GDPGP1: variants seen among roughly 807,000 people sequenced by gnomAD.
GDPGP1 encodes GDP-D-glucose phosphorylase C15orf58.
Under a neutral mutation model 19.2 loss-of-function variants are expected in GDPGP1, and 18 were observed. The ratio of observed to expected loss-of-function variants is 0.94; its 90% confidence interval spans 0.65 to 1.39. GDPGP1 has a LOEUF of 1.39. GDPGP1 is among the 40% of genes most tolerant of loss of function. The pLI is 0.00. For missense variants in GDPGP1, 449 were observed against 490.5 expected, an observed-to-expected ratio of 0.92 and a Z score of 0.80; for synonymous variants, 219 against 208.9, an observed-to-expected ratio of 1.05 and a Z score of -0.42.
At position 90,241,567 on chromosome 15, in the gene GDPGP1, A is replaced by C; in HGVS notation, c.659A>C (p.His220Pro). The C allele has an allele frequency of 6.2e-7, 1 of 1,613,320 alleles. No individual in the cohort carries two copies. The highest frequency in any genetic ancestry group is 8.5e-7 in the Non-Finnish European group (1 of 1,180,032). ...GCCTCGGTGAACCACCTCCACCTGC[A>C]TGGCTATTACCTGGCCCACAGACTG... is the stretch of plus-strand genomic sequence containing the variant. ...GLASVNHLHL[H>P]GYYLAHRLPV... Residue 220 changes from histidine to proline, a missense_variant, in exon 4 of 4, where the codon CAT becomes CCT. Physicochemically the swap from His to Pro is moderately conservative, Grantham distance 77. Coordinates refer to ENST00000329600, the MANE Select transcript of GDPGP1 (RefSeq NM_001013657.3).
At chr15:90,235,389 A>G (rs999455310) in intron 2 of GDPGP1, among the ~76,000 whole-genome samples, 1 of 152,162 alleles carries the variant, frequency 6.6e-6, no homozygotes, top group Non-Finnish European at 1.5e-5. Context: ...AACATGGCAA[A>G]ACCCCATCTC....
Position 90,241,503 on chromosome 15 carries a change from C to G in GDPGP1, c.595C>G (p.Pro199Ala), listed in dbSNP as rs923755131. ...TGAGGCTGTGCTGCTGAGCTTACAC[C>G]CGGGCTTCCGTGTCGGCTTCAACAG... is the stretch of plus-strand genomic sequence containing the variant. ...GIEAVLLSLH[P>A]GFRVGFNSLG... is the part of the protein sequence containing the mutation. The change falls in exon 4 of 4, where the codon CCG (proline) becomes GCG (alanine). Residue 199 changes from proline to alanine, a missense_variant. Physicochemically the swap from Pro to Ala is conservative, Grantham distance 27. Transcript: ENST00000329600. 3.1e-6 allele frequency: 5 copies of G among 1,613,652 alleles called. No individual in the cohort carries two copies. The Admixed American group carries it at 6.7e-5, about 22-fold the overall frequency.
rs1431944938 is a variant in GDPGP1 at position 90,242,325 on chromosome 15, A to C, written c.*259A>C. ...TTTTTTATATAGACAGCGTTTCACC[A>C]TGTTGCCCAGGCTGGTCTTGAACTC... On this transcript the variant is annotated 3_prime_UTR_variant, in exon 4 of 4. Transcript: ENST00000329600. 1 of 257,938 alleles carries C rather than the reference A, an allele frequency of 3.9e-6. No homozygotes were observed. The highest frequency in any genetic ancestry group is 2.6e-5 in the African/African-American group (1 of 38,356). The allele number at this position is 257,938 out of a possible 1,614,324, so 16.0% of individuals were successfully genotyped here.
At position 90,243,374 on chromosome 15, in the gene GDPGP1, G is replaced by C. The variant is rs1217421060; in HGVS notation, c.*1308G>C. ...ACTTTCCGGGTGCACGTCTTTTTTTGTTTTGTTTTTTTGTAAGGCTGGGGT... is the reference window on the plus strand; with the variant it reads ...ACTTTCCGGGTGCACGTCTTTTTTTCTTTTGTTTTTTTGTAAGGCTGGGGT... On this transcript the variant is annotated 3_prime_UTR_variant, in exon 4 of 4. Transcript: ENST00000329600. 1 of 142,350 alleles carries C rather than the reference G, an allele frequency of 7.0e-6. No individual in the cohort carries two copies. The highest frequency in any genetic ancestry group is 1.5e-5 in the Non-Finnish European group (1 of 66,100). 8.8% of individuals were successfully genotyped at this position (142,350 alleles called of 1,614,324 possible).
intron 2 of GDPGP1, among the ~76,000 whole-genome samples, chr15:90,237,647 AT>A (rs1461152345): frequency 6.6e-6 from 1 of 152,062 alleles, no homozygotes; most frequent in Non-Finnish European, 1.5e-5. Flanking sequence ...AACATCCCAA[AT>A]GTGCTTGTTG....
In GDPGP1 at chr15:90,244,381, T is replaced by G. The variant is rs1178364618; in HGVS notation, c.*2315T>G. ...TGAGTCAATGTGGGAAATTTTTTTTTATCTCATTGCTTTGTTCTGTCCTGT... is the reference window on the plus strand; with the variant it reads ...TGAGTCAATGTGGGAAATTTTTTTTGATCTCATTGCTTTGTTCTGTCCTGT... On this transcript the variant is annotated 3_prime_UTR_variant, in exon 4 of 4. Transcript: ENST00000329600. 3 of 152,232 alleles carry G rather than the reference T, an allele frequency of 2.0e-5. No homozygotes were observed. The highest frequency in any genetic ancestry group is 4.4e-5 in the Non-Finnish European group (3 of 68,054). The allele number at this position is 152,232 out of a possible 1,614,324, so 9.4% of individuals were successfully genotyped here.
At position 90,241,768 on chromosome 15, in the gene GDPGP1, A is replaced by C. The variant is rs1164011231; in HGVS notation, c.860A>C (p.His287Pro). Reference protein sequence around the residue: ...TDYLTDHEIAHNLFVTRGAPP... With the variant: ...TDYLTDHEIAPNLFVTRGAPP... Reference sequence around the variant, plus strand: ...TATCTGACTGACCATGAGATTGCTCATAACTTGTTTGTCACCCGGGGAGCT... The same window carrying C: ...TATCTGACTGACCATGAGATTGCTCCTAACTTGTTTGTCACCCGGGGAGCT... The change falls in exon 4 of 4, where the codon CAT becomes CCT. Residue 287 changes from histidine to proline, a missense_variant. Physicochemically the swap from His to Pro is moderately conservative, Grantham distance 77 (BLOSUM62 -2). Coordinates refer to ENST00000329600, the MANE Select transcript of GDPGP1 (RefSeq NM_001013657.3). 3 of 1,614,124 alleles carry C rather than the reference A, an allele frequency of 1.9e-6. No individual in the cohort carries two copies. Among genetic ancestry groups the C allele is most frequent in the Non-Finnish European group, 2.5e-6 (3 of 1,180,052 alleles).
Position 90,242,099 on chromosome 15 carries a change from T to A in GDPGP1, c.*33T>A. The A allele has an allele frequency of 6.5e-7, 1 of 1,541,910 alleles. No individual in the cohort carries two copies. The highest frequency in any genetic ancestry group is 8.8e-7 in the Non-Finnish European group (1 of 1,138,040). On this transcript the variant is annotated 3_prime_UTR_variant, in exon 4 of 4. Coordinates refer to ENST00000329600, the MANE Select transcript of GDPGP1 (RefSeq NM_001013657.3). ...GGATGTATTTATGTTCTTTTTTTCT[T>A]TTCTTTTGAGATAGGGTCTCACTCT...
At position 90,241,161 on chromosome 15, in the gene GDPGP1, A is replaced by ACC. The variant is rs1417830012; in HGVS notation, c.255_256dup (p.Gln86ProfsTer14). 6.2e-7 allele frequency: 1 copy of ACC among 1,613,982 alleles called. No individual in the cohort carries two copies. The highest frequency in any genetic ancestry group is 2.2e-5 in the East Asian group (1 of 44,896). On this transcript the variant is annotated frameshift_variant, in exon 4 of 4. Transcript: ENST00000329600. LOFTEE classifies it high-confidence loss of function. Reference sequence around the variant, plus strand: ...TCGCTACCGTCTACGGGAGCTACAGACCCAAATCCTCCCTGGTGCTGTGGG... The same window carrying ACC: ...TCGCTACCGTCTACGGGAGCTACAGACCCCCAAATCCTCCCTGGTGCTGTGGG...
intron 2 of GDPGP1, among the ~76,000 whole-genome samples, chr15:90,236,577 A>C (rs1285863702): frequency 1.3e-5 from 2 of 152,208 alleles, no homozygotes; most frequent in Non-Finnish European, 2.9e-5. Context: ...CTCTGTCACC[A>C]GGCTGGAGTA....
rs1962844775 is a variant in GDPGP1, at chr15:90,245,489, A to AAAG, written c.*3425_*3426insGAA. The AAAG allele has an allele frequency of 2.0e-5, 3 of 151,730 alleles. No homozygotes were observed. Among genetic ancestry groups the AAAG allele is most frequent in the Admixed American group, 1.3e-4 (2 of 15,222 alleles). 9.4% of individuals were successfully genotyped at this position (151,730 alleles called of 1,614,324 possible). A position where few individuals can be genotyped will look rare whatever the true frequency, so the allele number is the denominator to read the frequency against. On this transcript the variant is annotated 3_prime_UTR_variant, in exon 4 of 4. Coordinates refer to ENST00000329600, the MANE Select transcript of GDPGP1 (RefSeq NM_001013657.3). ...CTTTGTCTCAAAAAAAAAAAAAAAG[A>AAAG]AAAAAACAGTTTACCATTCTATCAG...
chr15:90,238,104 AGCCTG>A (rs1596176823), intron 2 of GDPGP1, among the ~76,000 whole-genome samples: 1 of 152,210 alleles, frequency 6.6e-6, no homozygotes, highest in African/African-American at 2.4e-5. Flanking sequence ...GTTCGAGACC[AGCCTG>A]GCCAACATGG....
At position 90,234,268 on chromosome 15, in the gene GDPGP1, G is replaced by A. The variant is rs368235525; in HGVS notation, c.-166G>A. ...CCCGGCAGCGGCTGCGGGGAAAGTC[G>A]CGAGGTGCATCCGCTTCGGCTGCAG... On this transcript the variant is annotated 5_prime_UTR_variant, in exon 1 of 4. Transcript: ENST00000329600. The A allele has an allele frequency of 3.5e-5, 7 of 197,862 alleles. No homozygotes were observed. The South Asian group carries it at 1.2e-3, about 35-fold the overall frequency. The allele number at this position is 197,862 out of a possible 1,614,324, so 12.3% of individuals were successfully genotyped here. A position where few individuals can be genotyped will look rare whatever the true frequency, so the allele number is the denominator to read the frequency against.
In GDPGP1 at chr15:90,240,974, C is replaced by T. The variant is rs750104992; in HGVS notation, c.66C>T (p.Gly22=). The T allele has an allele frequency of 5.0e-6, 8 of 1,613,530 alleles. No individual in the cohort carries two copies. The highest frequency in any genetic ancestry group is 2.2e-5 in the East Asian group (1 of 44,892). The change falls in exon 4 of 4, where the codon GGC becomes GGT. Residue 22 remains glycine (G), a synonymous_variant. Transcript: ENST00000329600. The stretch of plus-strand genomic sequence containing the variant: ...TGCCTCCCAACAATGAGGACTGGGG[C>T]AGGCAAACCATTCCTGACTTTGTTT... ...YLLPPNNEDW[G]RQTIPDFVYG... is the part of the protein sequence containing the mutation.
At chr15:90,239,386 T>C (rs940771591) in intron 3 of GDPGP1, among the ~76,000 whole-genome samples, 2 of 151,398 alleles carry the variant, frequency 1.3e-5, no homozygotes, top group Non-Finnish European at 2.9e-5. Flanking sequence ...CAAGACTGGG[T>C]AATTTATAAA....
At chr15:90,239,439 G>A (rs932209329) in intron 3 of GDPGP1, among the ~76,000 whole-genome samples, 4 of 152,010 alleles carry the variant, frequency 2.6e-5, no homozygotes, top group Non-Finnish European at 5.9e-5. Context: ...AGGGTGGACA[G>A]GCCTCAGGAA....
In GDPGP1 at chr15:90,240,867, A is replaced by G. The variant is rs752639737; in HGVS notation, c.-9-33A>G. 3.7e-6 allele frequency: 5 copies of G among 1,366,374 alleles called. No individual in the cohort carries two copies. In the Admixed American group the frequency reaches 9.0e-5, roughly 25 times the overall value. The allele number at this position is 1,366,374 out of a possible 1,614,324, so 84.6% of individuals were successfully genotyped here. ...TGACAATCTCTGGAGGTGGGTTACC[A>G]TCATGTGTTTTCATCTTTTATGACT... On this transcript the variant is annotated intron_variant, in intron 3 of 3. Coordinates refer to ENST00000329600, the MANE Select transcript of GDPGP1 (RefSeq NM_001013657.3).
intron 2 of GDPGP1, among the ~76,000 whole-genome samples, chr15:90,235,534 A>C (rs1346399584): frequency 6.6e-6 from 1 of 152,062 alleles, no homozygotes; most frequent in Non-Finnish European, 1.5e-5. Flanking sequence ...AATAAAAAAA[A>C]ATAACTAGGG....
At chr15:90,240,311 C>T (rs1162581692) in intron 3 of GDPGP1, among the ~76,000 whole-genome samples, 3 of 151,914 alleles carry the variant, frequency 2.0e-5, no homozygotes, top group East Asian at 1.9e-4. Flanking sequence ...AGTTCAAGAC[C>T]GGCCTGGCCA....
Sources: allele counts gnomAD v4.1 joint callset (sites outside exome capture counted in the v4.1 genomes callset), GRCh38; gene constraint gnomAD v4.1.1; transcripts MANE v1.5; gene names NCBI Gene and HGNC (gene_info 2026-07-23, HGNC 2026-07-21).